ABTB3: variants seen among roughly 807,000 people sequenced by gnomAD.
The protein encoded by ABTB3 is ankyrin repeat- and BTB/POZ domain-containing protein 3.
the ABTB3 span, chr12:107,651,825 G>T: frequency 6.4e-7 from 1 of 1,562,316 alleles, no homozygotes; most frequent in Admixed American, 1.7e-5. Context: ...GCACACAGGA[G>T]CGCTGAAGCC....
the ABTB3 span, among the ~76,000 whole-genome samples, chr12:107,597,645 A>G: frequency 6.6e-6 from 1 of 152,188 alleles, no homozygotes; most frequent in Non-Finnish European, 1.5e-5. Context: ...GCAGGCAGGT[A>G]TTTTCTGAGT....
At chr12:107,439,991 A>G in the ABTB3 span, among the ~76,000 whole-genome samples, 2 of 152,200 alleles carry the variant, frequency 1.3e-5, no homozygotes, top group Middle Eastern at 3.4e-3. Flanking sequence ...TCTACATGTG[A>G]CTTGTTTGAT....
the ABTB3 span, among the ~76,000 whole-genome samples, chr12:107,347,477 C>T: frequency 1.4e-5 from 2 of 143,762 alleles, no homozygotes; most frequent in South Asian, 4.4e-4. Flanking sequence ...ATGCATGTGG[C>T]TCCCAAGATG....
At chr12:107,588,221 A>G in the ABTB3 span, among the ~76,000 whole-genome samples, 1 of 152,164 alleles carries the variant, frequency 6.6e-6, no homozygotes, top group Non-Finnish European at 1.5e-5. Flanking sequence ...CAAAGACCCT[A>G]TTTCCAAATA....
At chr12:107,430,854 T>C in the ABTB3 span, among the ~76,000 whole-genome samples, 1 of 152,268 alleles carries the variant, frequency 6.6e-6, no homozygotes, top group Non-Finnish European at 1.5e-5. Context: ...TTGATCAGTA[T>C]GATTGAACTA....
chr12:107,467,260 T>C, the ABTB3 span, among the ~76,000 whole-genome samples: 952 of 152,228 alleles, frequency 6.3e-3, 29 homozygotes, highest in East Asian at 0.048. Flanking sequence ...TCCGCACAGC[T>C]GTCTGTTTTC....
chr12:107,649,208 G>T, the ABTB3 span: 1 of 1,611,918 alleles, frequency 6.2e-7, no homozygotes. Flanking sequence ...TCTTCCAGCT[G>T]GTTATGCAGT....
the ABTB3 span, among the ~76,000 whole-genome samples, chr12:107,602,313 T>A: frequency 2.6e-5 from 4 of 152,228 alleles, no homozygotes; most frequent in African/African-American, 7.2e-5. Flanking sequence ...ATTTGTTAGA[T>A]ATGATATCTA....
At chr12:107,553,376 T>G in the ABTB3 span, among the ~76,000 whole-genome samples, 1 of 152,158 alleles carries the variant, frequency 6.6e-6, no homozygotes, top group Admixed American at 6.5e-5. Context: ...ATGAGGAAAC[T>G]GAGATGCAAC....
the ABTB3 span, among the ~76,000 whole-genome samples, chr12:107,359,897 G>A: frequency 2.0e-5 from 3 of 152,250 alleles, no homozygotes; most frequent in Non-Finnish European, 4.4e-5. Flanking sequence ...TTGGGCACCA[G>A]TTTGACACCA....
At chr12:107,326,941 A>G in the ABTB3 span, among the ~76,000 whole-genome samples, 1 of 152,152 alleles carries the variant, frequency 6.6e-6, no homozygotes, top group Admixed American at 6.5e-5. Context: ...ATGGGAATTT[A>G]CTAGTTCATT....
chr12:107,535,931 C>A, the ABTB3 span, among the ~76,000 whole-genome samples: 82 of 152,008 alleles, frequency 5.4e-4, no homozygotes, highest in Middle Eastern at 0.01. Flanking sequence ...ATACAAAAAA[C>A]CCTAAATAGC....
the ABTB3 span, chr12:107,620,196 G>A: frequency 1.4e-5 from 23 of 1,608,482 alleles, no homozygotes; most frequent in East Asian, 1.1e-4. Flanking sequence ...TGTGGTCATC[G>A]GCAGAGAACA....
At chr12:107,385,225 C>T in the ABTB3 span, among the ~76,000 whole-genome samples, 8 of 152,184 alleles carry the variant, frequency 5.3e-5, no homozygotes, top group Admixed American at 3.3e-4. Context: ...AAGACAGACA[C>T]GAACAGGCTC....
At chr12:107,581,295 G>T in the ABTB3 span, 1 of 1,416,428 alleles carries the variant, frequency 7.1e-7, no homozygotes, top group East Asian at 3.0e-5. Flanking sequence ...TGCGAGCCGC[G>T]CCAGCTCAGG....
the ABTB3 span, among the ~76,000 whole-genome samples, chr12:107,566,099 T>C: frequency 6.6e-6 from 1 of 152,214 alleles, no homozygotes; most frequent in East Asian, 1.9e-4. Flanking sequence ...AGAGGTCCCA[T>C]AAATCTGCTA....
chr12:107,550,529 C>A, the ABTB3 span, among the ~76,000 whole-genome samples: 2,137 of 148,218 alleles, frequency 0.014, 68 homozygotes, highest in African/African-American at 0.051. Context: ...ACAACAACAA[C>A]AAAAAACTGA....
the ABTB3 span, among the ~76,000 whole-genome samples, chr12:107,333,509 C>A: frequency 6.6e-6 from 1 of 150,628 alleles, no homozygotes; most frequent in African/African-American, 2.4e-5. Context: ...TGATCTCAGG[C>A]AAGTGACTTA....
At chr12:107,642,327 G>A in the ABTB3 span, among the ~76,000 whole-genome samples, 2,500 of 152,158 alleles carry the variant, frequency 0.016, 62 homozygotes, top group South Asian at 0.069. Flanking sequence ...TGCCCCTTCC[G>A]TTTCCATCCA....
Sources: gnomAD v4.1 joint callset for allele counts (sites outside exome capture counted in the v4.1 genomes callset) on GRCh38, gnomAD v4.1.1 for gene constraint, MANE v1.5 for transcripts, NCBI Gene and HGNC (gene_info 2026-07-23, HGNC 2026-07-21) for gene names.